Variants in MYH15 observed in about 807,000 individuals in gnomAD.
MYH15 encodes the protein myosin heavy chain 15.
A neutral mutation model predicts 240.5 loss-of-function variants in MYH15; 227 were observed. That is an observed-to-expected ratio of 0.94 (90% CI 0.85 to 1.05). The LOEUF is 1.05. MYH15 is among the 50% of genes least tolerant of loss of function. The pLI is 0.00. For missense variants in MYH15, 2,217 were observed against 2,247.5 expected (o/e 0.99, Z 0.27); for synonymous variants, 785 against 796.7 (o/e 0.99, Z 0.25).
At chr3:108,453,928 T>C in intron 21 of MYH15, 78 bp downstream of exon 21, 1 of 1,436,772 alleles carries the variant, frequency 7.0e-7, no homozygotes, top group South Asian at 1.4e-5. Context: ...TGACCTACTA[T>C]AAGGCAATGA....
At chr3:108,478,031 T>C (rs4855654) in intron 11 of MYH15, among the ~76,000 whole-genome samples, 18,162 of 152,164 alleles carry the variant, frequency 0.12, 1,343 homozygotes, top group East Asian at 0.39. Flanking sequence ...ATGTCTGGCA[T>C]AGTCATTCTG....
intron 2 of MYH15, among the ~76,000 whole-genome samples, chr3:108,504,841 T>G (rs1329107830): frequency 2.0e-5 from 3 of 152,186 alleles, no homozygotes; most frequent in Non-Finnish European, 4.4e-5. Flanking sequence ...TATTATGGCT[T>G]CACTACACAT....
intron 23 of MYH15, among the ~76,000 whole-genome samples, chr3:108,440,654 C>T (rs909899194): frequency 7.0e-6 from 1 of 143,802 alleles, no homozygotes; most frequent in Non-Finnish European, 1.5e-5. Flanking sequence ...AGGCACATCC[C>T]AAATTATCTT....
chr3:108,518,270 T>A (rs2083589741), intron 1 of MYH15, among the ~76,000 whole-genome samples: 1 of 152,208 alleles, frequency 6.6e-6, no homozygotes. Context: ...TCCAGATACA[T>A]TAAAGTCATT....
chr3:108,400,852 G>C (rs964624716), intron 33 of MYH15, among the ~76,000 whole-genome samples: 8 of 152,274 alleles, frequency 5.3e-5, no homozygotes, highest in African/African-American at 1.9e-4. Flanking sequence ...AGGGGGAAGA[G>C]AGAGGTCAGA....
intron 9 of MYH15, among the ~76,000 whole-genome samples, chr3:108,489,282 G>T (rs2083329087): frequency 6.6e-6 from 1 of 152,100 alleles, no homozygotes; most frequent in South Asian, 2.1e-4. Context: ...CAAATGTCAA[G>T]GATTCCAGGA....
intron 29 of MYH15, among the ~76,000 whole-genome samples, chr3:108,416,331 T>A (rs1223534291): frequency 1.3e-5 from 2 of 152,170 alleles, no homozygotes; most frequent in African/African-American, 4.8e-5. Flanking sequence ...AGAATTCATA[T>A]CTCATGTTAG....
chr3:108,460,214 A>T, intron 17 of MYH15, 86 bp downstream of exon 17: 1 of 1,175,090 alleles, frequency 8.5e-7, no homozygotes, highest in South Asian at 1.6e-5. Context: ...CTTTATCCTT[A>T]TTTGAAGATG....
intron 1 of MYH15, among the ~76,000 whole-genome samples, chr3:108,507,241 AT>A (rs2083484557): frequency 2.9e-5 from 1 of 34,880 alleles, no homozygotes; most frequent in African/African-American, 8.6e-5. Flanking sequence ...ATATATATAT[AT>A]ATATATATAT....
rs995523902 is a variant in MYH15, at chr3:108,460,297, T to G, written c.1932+3A>C. On this transcript the variant is annotated splice_donor_region_variant and intron_variant, in intron 17 of 40. Transcript: ENST00000693548. ...TATATGAATAGACGCAATTAAAAATTACTTTATGCAGAGATGCAACCGTTT... is the reference window on the plus strand; with the variant it reads ...TATATGAATAGACGCAATTAAAAATGACTTTATGCAGAGATGCAACCGTTT... The G allele has an allele frequency of 3.8e-6, 6 of 1,592,818 alleles. No individual in the cohort carries two copies. The highest frequency in any genetic ancestry group is 5.1e-6 in the Non-Finnish European group (6 of 1,168,726).
At chr3:108,539,351 G>C in the MYH15 span, among the ~76,000 whole-genome samples, 1 of 152,146 alleles carries the variant, frequency 6.6e-6, no homozygotes, top group Non-Finnish European at 1.5e-5. Flanking sequence ...TAGAGGTTTA[G>C]CAGGGACATG....
upstream of MYH15, chr3:108,510,664 T>A: frequency 1.4e-6 from 2 of 1,390,764 alleles, no homozygotes; most frequent in Non-Finnish European, 2.0e-6. Flanking sequence ...ACCATTCACA[T>A]AGATAGACTA....
chr3:108,535,019 A>G, the MYH15 span, among the ~76,000 whole-genome samples: 1 of 152,184 alleles, frequency 6.6e-6, no homozygotes, highest in Middle Eastern at 3.2e-3. Flanking sequence ...AGCTCCTCAC[A>G]ACATCCAACA....
chr3:108,465,005 C>T (rs189507664), intron 14 of MYH15, among the ~76,000 whole-genome samples, 191 bp from the exon 15 acceptor site: 97 of 152,204 alleles, frequency 6.4e-4, no homozygotes, highest in African/African-American at 2.2e-3. Flanking sequence ...TACCAATAGC[C>T]GCTGGTGATT....
intron 31 of MYH15, among the ~76,000 whole-genome samples, chr3:108,409,468 G>C (rs1293429422): frequency 6.6e-6 from 1 of 152,184 alleles, no homozygotes; most frequent in Admixed American, 6.5e-5. Context: ...TCTGGGGGTG[G>C]GCCCCAGCCA....
chr3:108,538,066 C>T, the MYH15 span, among the ~76,000 whole-genome samples: 1 of 152,128 alleles, frequency 6.6e-6, no homozygotes, highest in Non-Finnish European at 1.5e-5. Flanking sequence ...ATGTGGTTTT[C>T]CACTGATTTT....
intron 16 of MYH15, among the ~76,000 whole-genome samples, chr3:108,462,194 T>C (rs1199311959): frequency 6.6e-6 from 1 of 152,148 alleles, no homozygotes; most frequent in Non-Finnish European, 1.5e-5. Flanking sequence ...CTGTATGTAG[T>C]TAGCATTTCG....
At chr3:108,478,704 T>A (rs2083240432) in intron 11 of MYH15, among the ~76,000 whole-genome samples, 1 of 152,094 alleles carries the variant, frequency 6.6e-6, no homozygotes, top group Non-Finnish European at 1.5e-5. Context: ...GAGAAACATT[T>A]GTTTTTTCTA....
At chr3:108,504,192 T>C (rs1366677194) in intron 2 of MYH15, among the ~76,000 whole-genome samples, 1 of 152,204 alleles carries the variant, frequency 6.6e-6, no homozygotes, top group African/African-American at 2.4e-5. Flanking sequence ...AAGATTTCTT[T>C]GGGGGATCTT....
Sources: allele counts gnomAD v4.1 joint callset (sites outside exome capture counted in the v4.1 genomes callset), GRCh38; gene constraint gnomAD v4.1.1; transcripts MANE v1.5; gene names NCBI Gene and HGNC (gene_info 2026-07-23, HGNC 2026-07-21).